RORA: variants seen among roughly 807,000 people sequenced by gnomAD.
The protein encoded by RORA is nuclear receptor ROR-alpha.
In RORA, 7 loss-of-function variants were observed where a neutral mutation model predicts 69.5. The observed-to-expected ratio is 0.10, with a 90% CI of 0.06 to 0.19. RORA has a LOEUF of 0.19. Ranked by LOEUF, RORA falls within the 10% of genes least tolerant of loss-of-function variation. The pLI is 1.00. For synonymous variants in RORA, 261 were observed against 240.8 expected, an observed-to-expected ratio of 1.08 and a Z score of -0.78; for missense variants, 457 against 663.0, an observed-to-expected ratio of 0.69 and a Z score of 3.41.
chr15:60,569,505 T>C (rs1181325876), intron 2 of RORA, among the ~76,000 whole-genome samples: 1 of 152,174 alleles, frequency 6.6e-6, no homozygotes, highest in Non-Finnish European at 1.5e-5. Context: ...AAATATGTAG[T>C]AGATGCTCAA....
intron 2 of RORA, among the ~76,000 whole-genome samples, chr15:60,653,087 T>C (rs1474124870): frequency 6.6e-6 from 1 of 152,224 alleles, no homozygotes; most frequent in African/African-American, 2.4e-5. Context: ...TGTTACGCTG[T>C]GGGCTTTCGT....
At chr15:61,134,142 C>T (rs1238584109) in intron 1 of RORA, among the ~76,000 whole-genome samples, 1 of 152,180 alleles carries the variant, frequency 6.6e-6, no homozygotes, top group Non-Finnish European at 1.5e-5. Flanking sequence ...CCTGATTTAG[C>T]CATTTATGGC....
At chr15:60,698,480 A>T (rs537910129) in intron 1 of RORA, among the ~76,000 whole-genome samples, 1 of 152,322 alleles carries the variant, frequency 6.6e-6, no homozygotes, top group East Asian at 1.9e-4. Context: ...GTAGAAAAAA[A>T]TTTTAAATGT....
intron 2 of RORA, among the ~76,000 whole-genome samples, chr15:60,655,959 C>T (rs548408091): frequency 2.0e-5 from 3 of 152,156 alleles, no homozygotes; most frequent in East Asian, 1.9e-4. Context: ...ATTATATTAG[C>T]GATGTACAAT....
At chr15:61,134,767 G>A (rs1319948493) in intron 1 of RORA, among the ~76,000 whole-genome samples, 1 of 152,088 alleles carries the variant, frequency 6.6e-6, no homozygotes, top group African/African-American at 2.4e-5. Flanking sequence ...TCTGACAGGT[G>A]TGACCACACT....
In RORA at chr15:60,704,093, C is replaced by A. The variant is rs78164583; in HGVS notation, c.167-25407G>T. 6.4e-3 allele frequency among the ~76,000 whole-genome samples: 982 copies of A among 152,254 alleles called. 38 individuals are homozygous for A. In the East Asian group the frequency reaches 0.097, roughly 15 times the overall value. On this transcript the variant is annotated intron_variant, in intron 1 of 10. Transcript: ENST00000335670. ...TCAAAAAACATCAATTCTAATACAA[C>A]GTGCTTTAAAAGTCTTCATTACCCT...
intron 1 of RORA, among the ~76,000 whole-genome samples, chr15:61,134,259 T>C (rs1033875861): frequency 7.9e-5 from 12 of 152,198 alleles, no homozygotes; most frequent in Admixed American, 6.5e-5. Flanking sequence ...AGAGTGTTCA[T>C]ACACTAAGGA....
Position 60,496,744 on chromosome 15 carries a change from G to A in RORA, c.*711C>T, listed in dbSNP as rs1461375902. 1 of 152,060 alleles carries A rather than the reference G, an allele frequency of 6.6e-6. No individual in the cohort carries two copies. The highest frequency in any genetic ancestry group is 2.4e-5 in the African/African-American group (1 of 41,390). The allele number at this position is 152,060 out of a possible 1,614,324, so 9.4% of individuals were successfully genotyped here. A position where few individuals can be genotyped will look rare whatever the true frequency, so the allele number is the denominator to read the frequency against. ...AAACTTGTGTTTCTGGTGCACATGC[G>A]ACACGACAGTGAACACGCTAGCATT... On this transcript the variant is annotated 3_prime_UTR_variant, in exon 11 of 11. Coordinates refer to ENST00000335670, the MANE Select transcript of RORA (RefSeq NM_134261.3). The surrounding 1 kb of genome is among the most constrained non-coding windows in gnomAD (Gnocchi z 4.5).
chr15:60,650,444 C>T (rs889250069), intron 2 of RORA, among the ~76,000 whole-genome samples: 1 of 152,162 alleles, frequency 6.6e-6, no homozygotes, highest in Non-Finnish European at 1.5e-5. Flanking sequence ...AAATCCCACC[C>T]CCAGAGTGGG....
intron 2 of RORA, among the ~76,000 whole-genome samples, chr15:60,538,999 G>GCGCACACA (rs146788676): frequency 1.3e-5 from 2 of 150,080 alleles, no homozygotes; most frequent in South Asian, 2.1e-4. Flanking sequence ...CCTGCCAAAT[G>GCGCACACA]CACACACACA....
intron 2 of RORA, among the ~76,000 whole-genome samples, chr15:60,539,714 A>G (rs1595936067): frequency 6.6e-6 from 1 of 152,216 alleles, no homozygotes; most frequent in African/African-American, 2.4e-5. Flanking sequence ...AGGATCAGCA[A>G]TACAATCCTT....
In RORA at chr15:60,972,982, A is replaced by G. The variant is rs1893763380; in HGVS notation, c.166+256071T>C. Among the ~76,000 whole-genome samples, 3 of 137,818 alleles carry G rather than the reference A, an allele frequency of 2.2e-5. No individual in the cohort carries two copies. The Admixed American group carries it at 2.2e-4, about 10-fold the overall frequency. 90.4% of individuals were successfully genotyped at this position (137,818 alleles called of 152,430 possible). A position where few individuals can be genotyped will look rare whatever the true frequency, so the allele number is the denominator to read the frequency against. On this transcript the variant is annotated intron_variant, in intron 1 of 10. Transcript: ENST00000335670. Reference sequence around the variant, plus strand: ...AATAGATGAGGTCTTTAATTGACTGAGAAGCATTTGGGAGAAAAAAAAAAA... The same window carrying G: ...AATAGATGAGGTCTTTAATTGACTGGGAAGCATTTGGGAGAAAAAAAAAAA...
chr15:60,968,501 C>T (rs1039796480), intron 1 of RORA, among the ~76,000 whole-genome samples: 3 of 152,178 alleles, frequency 2.0e-5, no homozygotes, highest in African/African-American at 7.2e-5. Context: ...CCCAGGCTCA[C>T]ACTGGAATCA....
At chr15:61,167,289 GATGGATCCTGAT>G (rs2079546586) in intron 1 of RORA, among the ~76,000 whole-genome samples, 1 of 152,004 alleles carries the variant, frequency 6.6e-6, no homozygotes, top group African/African-American at 2.4e-5. Flanking sequence ...TCAACTTCCA[GATGGATCCTGAT>G]ATTCATATAG....
chr15:60,704,368 A>T (rs2071029634), intron 1 of RORA, among the ~76,000 whole-genome samples: 1 of 152,244 alleles, frequency 6.6e-6, no homozygotes, highest in African/African-American at 2.4e-5. Context: ...AACACAACCC[A>T]CAAACTTGGG....
intron 1 of RORA, among the ~76,000 whole-genome samples, chr15:60,898,250 TG>T (rs1408049839): frequency 6.6e-6 from 1 of 152,132 alleles, no homozygotes; most frequent in Non-Finnish European, 1.5e-5. Context: ...AAAGAATGTG[TG>T]GGGCAGGGTC....
intron 2 of RORA, among the ~76,000 whole-genome samples, chr15:60,564,712 C>A (rs2067667117): frequency 6.6e-6 from 1 of 152,068 alleles, no homozygotes; most frequent in African/African-American, 2.4e-5. Flanking sequence ...GTTTATCACT[C>A]AGATATATTT....
chr15:61,028,342 T>C (rs2140433913), intron 1 of RORA, among the ~76,000 whole-genome samples: 1 of 152,294 alleles, frequency 6.6e-6, no homozygotes, highest in East Asian at 1.9e-4. Context: ...CAATAGAGAC[T>C]ATGCCAAGGA....
chr15:60,653,089 G>C (rs1007775772), intron 2 of RORA, among the ~76,000 whole-genome samples: 32 of 152,162 alleles, frequency 2.1e-4, no homozygotes, highest in African/African-American at 7.7e-4. Flanking sequence ...TTACGCTGTG[G>C]GCTTTCGTTT....
Sources: gnomAD v4.1 joint callset for allele counts (sites outside exome capture counted in the v4.1 genomes callset) on GRCh38, gnomAD v4.1.1 for gene constraint, Gnocchi (gnomAD v3.1) non-coding constraint, MANE v1.5 for transcripts, NCBI Gene and HGNC (gene_info 2026-07-23, HGNC 2026-07-21) for gene names.